PTPRM: variants seen among roughly 807,000 people sequenced by gnomAD.
PTPRM encodes receptor-type tyrosine-protein phosphatase mu.
PTPRM carries 47 observed loss-of-function variants against 186.7 expected under a neutral mutation model. The ratio of observed to expected loss-of-function variants is 0.25; its 90% confidence interval spans 0.20 to 0.32. The LOEUF (loss-of-function observed/expected upper bound fraction) is 0.32. Ranked by LOEUF, PTPRM falls within the 10% of genes least tolerant of loss-of-function variation. The pLI, the probability that PTPRM is intolerant of heterozygous loss-of-function variation, is 1.00. For synonymous variants in PTPRM, 668 were observed against 674.9 expected, an observed-to-expected ratio of 0.99 and a Z score of 0.16; for missense variants, 1,494 against 1,865.0, an observed-to-expected ratio of 0.80 and a Z score of 3.66.
At chr18:7,964,029 T>C (rs1039684149) in intron 7 of PTPRM, among the ~76,000 whole-genome samples, 2 of 152,180 alleles carry the variant, frequency 1.3e-5, no homozygotes, top group African/African-American at 4.8e-5. Flanking sequence ...AAATCTCTTA[T>C]ATATTTAGTA....
intron 17 of PTPRM, among the ~76,000 whole-genome samples, chr18:8,250,341 C>T (rs1300830637): frequency 6.6e-6 from 1 of 152,088 alleles, no homozygotes; most frequent in Non-Finnish European, 1.5e-5. Flanking sequence ...TAAGGTTTTT[C>T]AGCTAGTTTG....
chr18:8,094,925 A>G (rs2090938335), intron 11 of PTPRM, among the ~76,000 whole-genome samples: 1 of 152,142 alleles, frequency 6.6e-6, no homozygotes, highest in Non-Finnish European at 1.5e-5. Flanking sequence ...GGCTCTCTCC[A>G]CTTGTAGTTA....
chr18:8,386,473 G>C (rs1212306135), intron 30 of PTPRM, among the ~76,000 whole-genome samples: 4 of 152,180 alleles, frequency 2.6e-5, no homozygotes, highest in African/African-American at 9.7e-5. Flanking sequence ...GTCAGATGCT[G>C]CTGAAGGCCA....
Position 8,378,370 on chromosome 18 carries a change from C to G in PTPRM, c.3568C>G (p.Leu1190Val). The G allele has an allele frequency of 6.2e-7, 1 of 1,614,080 alleles. No individual in the cohort carries two copies. The highest frequency in any genetic ancestry group is 8.5e-7 in the Non-Finnish European group (1 of 1,179,960). ...VRSLYYDMNK[L>V]DPQTNSSQIK... is the part of the protein sequence containing the mutation. ...GTCTCTGTATTATGACATGAACAAA[C>G]TGGATCCACAGACAAACTCAAGCCA... Residue 1190 changes from leucine to valine, a missense_variant, in exon 27 of 33, where the codon CTG becomes GTG. Physicochemically the swap from Leu to Val is conservative, Grantham distance 32. Coordinates refer to ENST00000580170, the MANE Select transcript of PTPRM (RefSeq NM_001105244.2).
intron 2 of PTPRM, among the ~76,000 whole-genome samples, chr18:7,804,185 T>C (rs541776106): frequency 1.3e-5 from 2 of 152,262 alleles, no homozygotes; most frequent in East Asian, 3.9e-4. Flanking sequence ...TCTTCCCTTG[T>C]GGAGCTAAGA....
At chr18:7,643,068 A>G (rs2144196837) in intron 1 of PTPRM, among the ~76,000 whole-genome samples, 1 of 152,056 alleles carries the variant, frequency 6.6e-6, no homozygotes. Context: ...TATTCCCTTA[A>G]AAAGGATATT....
chr18:8,118,799 C>CA (rs71354599), intron 13 of PTPRM, among the ~76,000 whole-genome samples: 24,138 of 119,076 alleles, frequency 0.2, 2,928 homozygotes, highest in African/African-American at 0.33. Context: ...CATTCCATCT[C>CA]AAAAAAAAAA....
intron 15 of PTPRM, among the ~76,000 whole-genome samples, chr18:8,247,280 T>C (rs937119647): frequency 6.6e-6 from 1 of 152,304 alleles, no homozygotes; most frequent in Admixed American, 6.5e-5. Flanking sequence ...TAATTCAGTC[T>C]TGAGTGTTTC....
rs2038269650 is a variant in PTPRM at position 7,634,598 on chromosome 18, C to G, written c.73+66707C>G. 2.0e-5 allele frequency among the ~76,000 whole-genome samples: 3 copies of G among 152,228 alleles called. No homozygotes were observed. The South Asian group carries it at 6.2e-4, about 31-fold the overall frequency. On this transcript the variant is annotated intron_variant, in intron 1 of 32. Coordinates refer to ENST00000580170, the MANE Select transcript of PTPRM (RefSeq NM_001105244.2). ...TCCCAATAAACATTTATCCTCCTTT[C>G]CTCTGAAATTTGCTGCCACTTGTAT...
intron 20 of PTPRM, among the ~76,000 whole-genome samples, chr18:8,302,488 A>G (rs148410001): frequency 5.9e-4 from 90 of 152,096 alleles, no homozygotes; most frequent in African/African-American, 2.1e-3. Flanking sequence ...ACTTCATTAA[A>G]GGGGTTGGGG....
intron 14 of PTPRM, among the ~76,000 whole-genome samples, chr18:8,153,535 C>T (rs1049745863): frequency 6.6e-6 from 1 of 152,104 alleles, no homozygotes; most frequent in Non-Finnish European, 1.5e-5. Flanking sequence ...TTTGCTTTTT[C>T]TGAAAAATAG....
intron 5 of PTPRM, among the ~76,000 whole-genome samples, chr18:7,935,713 T>C (rs1034299819): frequency 6.6e-6 from 1 of 152,200 alleles, no homozygotes. Context: ...GCAGGTTTGT[T>C]ACATGGGTAG....
chr18:7,955,563 A>T, intron 7 of PTPRM, 149 bp downstream of exon 7: 1 of 894,972 alleles, frequency 1.1e-6, no homozygotes, highest in East Asian at 2.7e-5. Flanking sequence ...GTGAATAGTC[A>T]GCTAACAGCT....
chr18:8,178,609 C>G (rs1023281563), intron 14 of PTPRM, among the ~76,000 whole-genome samples: 2 of 151,850 alleles, frequency 1.3e-5, no homozygotes, highest in Non-Finnish European at 2.9e-5. Context: ...CATGGTGAAA[C>G]CTCGTCTCTA....
At chr18:7,930,725 A>G (rs1350501260) in intron 5 of PTPRM, among the ~76,000 whole-genome samples, 1 of 152,188 alleles carries the variant, frequency 6.6e-6, no homozygotes, top group African/African-American at 2.4e-5. Flanking sequence ...AATAATGCTT[A>G]TATGTATTAC....
At chr18:7,988,827 G>T (rs772355956) in intron 7 of PTPRM, among the ~76,000 whole-genome samples, 1 of 151,976 alleles carries the variant, frequency 6.6e-6, no homozygotes, top group Admixed American at 6.6e-5. Flanking sequence ...GGGCATTTTG[G>T]TTGCTTCTAC....
intron 31 of PTPRM, among the ~76,000 whole-genome samples, chr18:8,389,900 T>G (rs2095800434): frequency 6.6e-6 from 1 of 152,194 alleles, no homozygotes; most frequent in Admixed American, 6.5e-5. Flanking sequence ...AATGGTTCCT[T>G]GAGCCACAGA....
chr18:7,763,239 A>T (rs1568094272), intron 1 of PTPRM, among the ~76,000 whole-genome samples: 1 of 152,192 alleles, frequency 6.6e-6, no homozygotes. Flanking sequence ...CATGAAAATT[A>T]TTTGGACCCC....
At chr18:8,153,494 G>A (rs988883937) in intron 14 of PTPRM, among the ~76,000 whole-genome samples, 1 of 152,042 alleles carries the variant, frequency 6.6e-6, no homozygotes, top group South Asian at 2.1e-4. Flanking sequence ...ATCTTAAAAG[G>A]GTTGTCTTCA....
Sources: gnomAD v4.1 joint callset for allele counts (sites outside exome capture counted in the v4.1 genomes callset) on GRCh38, gnomAD v4.1.1 for gene constraint, MANE v1.5 for transcripts, NCBI Gene and HGNC (gene_info 2026-07-23, HGNC 2026-07-21) for gene names.